The following STXBP4 variants were observed in gnomAD, a reference collection of about 807,000 sequenced individuals.
The protein encoded by STXBP4 is syntaxin-binding protein 4.
STXBP4 carries 55 observed loss-of-function variants against 76.1 expected under a neutral mutation model. That is an observed-to-expected ratio of 0.72 (90% CI 0.58 to 0.91). STXBP4 has a LOEUF of 0.91. Among genes scored for constraint, STXBP4 ranks in the 40% least tolerant of loss-of-function variants. The pLI is 0.00. For missense variants in STXBP4, 618 were observed against 636.9 expected, an observed-to-expected ratio of 0.97 and a Z score of 0.32; for synonymous variants, 201 against 220.2, an observed-to-expected ratio of 0.91 and a Z score of 0.77.
At chr17:55,203,035 T>G in the STXBP4 span, among the ~76,000 whole-genome samples, 1 of 152,174 alleles carries the variant, frequency 6.6e-6, no homozygotes. Context: ...TTGTATTTCC[T>G]GGCTGCAGGA....
chr17:54,999,541 G>T, intron 5 of STXBP4, 90 bp downstream of exon 5: 1 of 1,443,072 alleles, frequency 6.9e-7, no homozygotes, highest in Middle Eastern at 1.8e-4. Context: ...TTTATAATAA[G>T]TATTTTTTAA....
At chr17:55,085,421 AAT>A (rs1193016062) in intron 16 of STXBP4, among the ~76,000 whole-genome samples, 1 of 152,146 alleles carries the variant, frequency 6.6e-6, no homozygotes, top group Non-Finnish European at 1.5e-5. Context: ...ATGGCTCAAT[AAT>A]CATTATTACA....
chr17:55,040,640 C>G (rs1373123765), intron 10 of STXBP4, among the ~76,000 whole-genome samples: 5 of 152,066 alleles, frequency 3.3e-5, no homozygotes, highest in Non-Finnish European at 7.4e-5. Context: ...CAGCACAGTC[C>G]AATGACCTAT....
At chr17:55,158,969 G>A (rs1482353119) in intron 17 of STXBP4, among the ~76,000 whole-genome samples, 1 of 152,206 alleles carries the variant, frequency 6.6e-6, no homozygotes, top group Non-Finnish European at 1.5e-5. Flanking sequence ...TGTTGGTGGG[G>A]TGCAGTGGCA....
chr17:55,082,175 A>G lies in STXBP4; in HGVS notation c.1489+992A>G, dbSNP rs187763594. ...CTTTAGTACAGCTATACTAGGATAT[A>G]TAATGTAGTCATCAGATGCCTGCAC... On this transcript the variant is annotated intron_variant, in intron 16 of 17. Transcript: ENST00000376352. 1.8e-3 allele frequency among the ~76,000 whole-genome samples: 275 copies of G among 152,366 alleles called. 1 individual carries two copies. The highest frequency in any genetic ancestry group is 6.5e-3 in the African/African-American group (269 of 41,592).
At chr17:55,106,738 A>G (rs1317788645) in intron 16 of STXBP4, among the ~76,000 whole-genome samples, 3 of 152,196 alleles carry the variant, frequency 2.0e-5, no homozygotes, top group Admixed American at 6.5e-5. Context: ...TTGGCTGGAT[A>G]TGAAATTCTG....
rs904962965 is a variant in STXBP4 at position 55,141,378 on chromosome 17, G to T, written c.1547+11G>T. On this transcript the variant is annotated intron_variant, in intron 17 of 17. Transcript: ENST00000376352. ...CAAGTACTTCATCAAGTAAGTACAA[G>T]CATCTCAACCAAGTAAGCAATTTTC... 2 of 1,607,280 alleles carry T rather than the reference G, an allele frequency of 1.2e-6. No homozygotes were observed. Among genetic ancestry groups the T allele is most frequent in the African/African-American group, 2.7e-5 (2 of 74,636 alleles).
intron 16 of STXBP4, among the ~76,000 whole-genome samples, chr17:55,106,777 T>C (rs1160775507): frequency 1.3e-5 from 2 of 152,174 alleles, no homozygotes; most frequent in Non-Finnish European, 2.9e-5. Flanking sequence ...TTAAGCATGT[T>C]GAATATTGGT....
Position 54,981,658 on chromosome 17 carries a change from G to A in STXBP4, c.-156-3956G>A, listed in dbSNP as rs1315459006. On this transcript the variant is annotated intron_variant, in intron 1 of 17. Coordinates refer to ENST00000376352, the MANE Select transcript of STXBP4 (RefSeq NM_178509.6). ...TTTATAACTTTGGAGTGGGCAAGGA[G>A]TTTCTAATTTGACCTAAAACCTGGA... is the stretch of plus-strand genomic sequence containing the variant. Among the ~76,000 whole-genome samples, 10 of 151,896 alleles carry A rather than the reference G, an allele frequency of 6.6e-5. No homozygotes were observed. The East Asian group carries it at 1.9e-3, about 29-fold the overall frequency.
intron 16 of STXBP4, among the ~76,000 whole-genome samples, chr17:55,095,691 A>G (rs1463360025): frequency 6.6e-6 from 1 of 152,210 alleles, no homozygotes; most frequent in Non-Finnish European, 1.5e-5. Flanking sequence ...TTGCAGTTCT[A>G]AAGTTCTGTT....
intron 1 of STXBP4, among the ~76,000 whole-genome samples, chr17:54,975,700 A>G (rs991117369): frequency 6.6e-6 from 1 of 152,176 alleles, no homozygotes; most frequent in African/African-American, 2.4e-5. Flanking sequence ...TTGCTACCAT[A>G]GCCCATAAGA....
At chr17:55,195,218 C>T in the STXBP4 span, among the ~76,000 whole-genome samples, 44,525 of 151,980 alleles carry the variant, frequency 0.29, 7,138 homozygotes, top group Non-Finnish European at 0.36. Flanking sequence ...GCAGAAGGAA[C>T]GCCTAGATGG....
intron 16 of STXBP4, among the ~76,000 whole-genome samples, chr17:55,125,896 A>G (rs887565476): frequency 5.3e-5 from 8 of 152,228 alleles, no homozygotes; most frequent in Non-Finnish European, 1.0e-4. Flanking sequence ...AATCCCGGAA[A>G]GAAGAGCACT....
intron 16 of STXBP4, among the ~76,000 whole-genome samples, chr17:55,105,136 G>A (rs1021414110): frequency 6.6e-6 from 1 of 152,082 alleles, no homozygotes; most frequent in Non-Finnish European, 1.5e-5. Flanking sequence ...GTTCTGCTCT[G>A]ATCTTAGTTA....
intron 8 of STXBP4, among the ~76,000 whole-genome samples, chr17:55,012,128 C>A (rs978524551): frequency 6.6e-6 from 1 of 152,164 alleles, no homozygotes; most frequent in Non-Finnish European, 1.5e-5. Context: ...GTTAAAGATA[C>A]AGGGATTGAA....
intron 17 of STXBP4, among the ~76,000 whole-genome samples, chr17:55,152,506 T>C (rs909147541): frequency 4.6e-5 from 7 of 152,208 alleles, no homozygotes; most frequent in African/African-American, 1.4e-4. Context: ...AAAGGAGCTT[T>C]AACTGACTCA....
Position 55,160,456 on chromosome 17 carries a change from A to G in STXBP4, c.*545A>G, listed in dbSNP as rs2080327068. 1 of 152,720 alleles carries G rather than the reference A, an allele frequency of 6.5e-6. No individual in the cohort carries two copies. The highest frequency in any genetic ancestry group is 1.5e-5 in the Non-Finnish European group (1 of 68,106). The allele number at this position is 152,720 out of a possible 1,614,324, so 9.5% of individuals were successfully genotyped here. A position where few individuals can be genotyped will look rare whatever the true frequency, so the allele number is the denominator to read the frequency against. ...CTTTCTAATTTACAAAATGCTTTGT[A>G]GACCCCATTGTCTTTAAACCATACA... On this transcript the variant is annotated 3_prime_UTR_variant, in exon 18 of 18. Coordinates refer to ENST00000376352, the MANE Select transcript of STXBP4 (RefSeq NM_178509.6).
intron 1 of STXBP4, among the ~76,000 whole-genome samples, chr17:54,970,557 G>A (rs1453372371): frequency 4.6e-5 from 7 of 152,116 alleles, no homozygotes; most frequent in Admixed American, 4.6e-4. Flanking sequence ...TATTCATATT[G>A]TGTGATGACA....
the STXBP4 span, among the ~76,000 whole-genome samples, chr17:55,180,208 A>G: frequency 6.6e-6 from 1 of 152,232 alleles, no homozygotes; most frequent in Non-Finnish European, 1.5e-5. Context: ...TGTCTGGCAC[A>G]TGATAAGACC....
Sources: gnomAD v4.1 joint callset for allele counts (sites outside exome capture counted in the v4.1 genomes callset) on GRCh38, gnomAD v4.1.1 for gene constraint, MANE v1.5 for transcripts, NCBI Gene and HGNC (gene_info 2026-07-23, HGNC 2026-07-21) for gene names.